Variants in NEGR1 observed in about 807,000 individuals in gnomAD.
The protein encoded by NEGR1 is neuronal growth regulator 1, also known as IgLON family member 4.
Under a neutral mutation model 40.9 loss-of-function variants are expected in NEGR1, and 10 were observed. That is an observed-to-expected ratio of 0.24 (90% CI 0.15 to 0.42). NEGR1 has a LOEUF of 0.42. NEGR1 is among the 10% of genes least tolerant of loss of function. NEGR1 has a pLI of 1.00. For synonymous variants in NEGR1, 185 were observed against 166.8 expected (o/e 1.11, Z -0.84); for missense variants, 352 against 438.9 (o/e 0.80, Z 1.77).
At chr1:72,003,973 T>C (rs1016474833) in intron 1 of NEGR1, among the ~76,000 whole-genome samples, 9 of 152,100 alleles carry the variant, frequency 5.9e-5, no homozygotes, top group African/African-American at 1.9e-4. Flanking sequence ...GAGAGATTAA[T>C]GAGTAGAAAA....
chr1:71,452,587 C>G (rs1266333702), intron 6 of NEGR1, among the ~76,000 whole-genome samples: 1 of 152,096 alleles, frequency 6.6e-6, no homozygotes, highest in Non-Finnish European at 1.5e-5. Context: ...AATAAGGTTC[C>G]TACTGTCTCC....
intron 1 of NEGR1, among the ~76,000 whole-genome samples, chr1:72,156,609 T>A (rs1651365388): frequency 6.6e-6 from 1 of 152,176 alleles, no homozygotes; most frequent in South Asian, 2.1e-4. Flanking sequence ...TTTTTTGTCA[T>A]TGCTGTTGCT....
chr1:71,701,809 T>C (rs562128755), intron 3 of NEGR1, among the ~76,000 whole-genome samples: 5 of 152,190 alleles, frequency 3.3e-5, no homozygotes, highest in Non-Finnish European at 2.9e-5. Context: ...AATTTATAAA[T>C]TGCTGAAGTT....
chr1:71,557,772 C>T (rs1648300937), intron 6 of NEGR1, among the ~76,000 whole-genome samples: 1 of 151,562 alleles, frequency 6.6e-6, no homozygotes, highest in Non-Finnish European at 1.5e-5. Context: ...GGCACAATGT[C>T]ATTAACCAAA....
intron 2 of NEGR1, among the ~76,000 whole-genome samples, chr1:71,927,028 AG>A (rs1286888221): frequency 1.3e-5 from 2 of 152,170 alleles, no homozygotes; most frequent in African/African-American, 2.4e-5. Context: ...GTATTCTGGA[AG>A]ACAAGCTGGT....
chr1:72,195,420 A>ATAAAATT (rs1652965423), intron 1 of NEGR1, among the ~76,000 whole-genome samples: 1 of 151,952 alleles, frequency 6.6e-6, no homozygotes, highest in Non-Finnish European at 1.5e-5. Flanking sequence ...TTAAAAGTCC[A>ATAAAATT]CGTTAATTTT....
intron 6 of NEGR1, among the ~76,000 whole-genome samples, chr1:71,532,152 C>A (rs1327156464): frequency 6.6e-6 from 1 of 151,406 alleles, no homozygotes; most frequent in African/African-American, 2.4e-5. Context: ...AGCCAGCAGC[C>A]AACATTCAGA....
intron 1 of NEGR1, among the ~76,000 whole-genome samples, chr1:72,256,187 T>C (rs1462558543): frequency 6.6e-6 from 1 of 152,214 alleles, no homozygotes; most frequent in Non-Finnish European, 1.5e-5. Flanking sequence ...GAGCATGCAT[T>C]GCACATACTG....
chr1:71,686,655 T>C (rs972027257), intron 4 of NEGR1, among the ~76,000 whole-genome samples: 5 of 152,076 alleles, frequency 3.3e-5, no homozygotes, highest in African/African-American at 1.2e-4. Context: ...GTCCAAGCAG[T>C]AGGCGCAGGA....
intron 2 of NEGR1, among the ~76,000 whole-genome samples, chr1:71,878,016 T>TA (rs1287021674): frequency 2.0e-5 from 3 of 152,208 alleles, no homozygotes; most frequent in African/African-American, 7.2e-5. Context: ...TCTTCCTAAC[T>TA]AAAGTTAGAA....
At chr1:71,624,775 T>C (rs556282968) in intron 4 of NEGR1, among the ~76,000 whole-genome samples, 2 of 152,088 alleles carry the variant, frequency 1.3e-5, no homozygotes, top group South Asian at 2.1e-4. Flanking sequence ...TGACCTCCTA[T>C]ATAAAATGGC....
intron 1 of NEGR1, among the ~76,000 whole-genome samples, chr1:71,993,479 T>C (rs534163152): frequency 6.6e-6 from 1 of 152,288 alleles, no homozygotes; most frequent in South Asian, 2.1e-4. Context: ...CAAAATTTAC[T>C]CGTTAAAATA....
At chr1:71,547,646 G>A (rs1342320502) in intron 6 of NEGR1, among the ~76,000 whole-genome samples, 5 of 151,754 alleles carry the variant, frequency 3.3e-5, no homozygotes, top group African/African-American at 1.2e-4. Context: ...GCCCCAGACA[G>A]AAGTGAAGAT....
chr1:71,534,993 A>G (rs1301703870), intron 6 of NEGR1, among the ~76,000 whole-genome samples: 1 of 151,618 alleles, frequency 6.6e-6, no homozygotes, highest in Non-Finnish European at 1.5e-5. Context: ...TTTTGTGACT[A>G]TTATACTTTT....
At chr1:71,879,529 T>A (rs960245704) in intron 2 of NEGR1, among the ~76,000 whole-genome samples, 1 of 152,120 alleles carries the variant, frequency 6.6e-6, no homozygotes, top group African/African-American at 2.4e-5. Context: ...TACTGATAAT[T>A]TAGGTGGAAA....
chr1:72,003,227 C>A (rs532814247), intron 1 of NEGR1, among the ~76,000 whole-genome samples: 2 of 150,916 alleles, frequency 1.3e-5, no homozygotes, highest in African/African-American at 4.9e-5. Context: ...AGTGTTGGGT[C>A]GGAGGTTAGG....
intron 3 of NEGR1, among the ~76,000 whole-genome samples, chr1:71,737,030 C>A (rs886297144): frequency 4.6e-5 from 7 of 152,134 alleles, no homozygotes; most frequent in African/African-American, 1.7e-4. Context: ...TCTCAAATAT[C>A]TGGATGAGAA....
chr1:71,819,455 A>G (rs1241264989), intron 2 of NEGR1, among the ~76,000 whole-genome samples: 3 of 151,988 alleles, frequency 2.0e-5, no homozygotes, highest in Admixed American at 2.0e-4. Flanking sequence ...TAAAATAAGA[A>G]GAGTATATTA....
chr1:72,129,653 A>AG (rs1020329764), intron 1 of NEGR1, among the ~76,000 whole-genome samples: 4 of 152,202 alleles, frequency 2.6e-5, no homozygotes, highest in African/African-American at 7.2e-5. Context: ...GGAGATGTTT[A>AG]GGGGTCTAAT....
Sources: allele counts gnomAD v4.1 joint callset (sites outside exome capture counted in the v4.1 genomes callset), GRCh38; gene constraint gnomAD v4.1.1; transcripts MANE v1.5; gene names NCBI Gene and HGNC (gene_info 2026-07-23, HGNC 2026-07-21).